DCBLD1: variants seen among roughly 807,000 people sequenced by gnomAD.
DCBLD1 encodes discoidin, CUB and LCCL domain containing 1, also known as discoidin, CUB and LCCL domain-containing protein 1.
In DCBLD1, 57 loss-of-function variants were observed where a neutral mutation model predicts 71.5. The ratio of observed to expected loss-of-function variants is 0.80; its 90% CI spans 0.64 to 0.99. The LOEUF is 0.99. DCBLD1 is among the 50% of genes least tolerant of loss of function. The probability of loss-of-function intolerance (pLI) is 0.00; values close to 1 mark genes in which losing one functional copy is unlikely to be tolerated. For synonymous variants in DCBLD1, 380 were observed against 363.8 expected, an observed-to-expected ratio of 1.04 and a Z score of -0.51; for missense variants, 891 against 923.5, an observed-to-expected ratio of 0.96 and a Z score of 0.46.
chr6:117,533,134 C>T (rs2114526224), intron 6 of DCBLD1, among the ~76,000 whole-genome samples: 1 of 152,246 alleles, frequency 6.6e-6, no homozygotes, highest in Middle Eastern at 3.4e-3. Flanking sequence ...GAAAAGTGCT[C>T]CTTGAGCCAC....
At chr6:117,563,353 ATGTG>A (rs767115378) in intron 14 of DCBLD1, 2 of 1,613,526 alleles carry the variant, frequency 1.2e-6, no homozygotes, top group Admixed American at 3.3e-5. Context: ...CTCCATTTTC[ATGTG>A]TGTCAGTTAC....
intron 14 of DCBLD1, chr6:117,547,649 C>A (rs1210641951): frequency 1.4e-6 from 1 of 736,386 alleles, no homozygotes; most frequent in East Asian, 2.8e-5. Flanking sequence ...AAGTATGTCC[C>A]CATGCCCCAG....
intron 5 of DCBLD1, among the ~76,000 whole-genome samples, chr6:117,528,936 G>A (rs568847182): frequency 2.6e-5 from 4 of 152,236 alleles, no homozygotes; most frequent in Admixed American, 2.0e-4. Context: ...CACTTCCTGG[G>A]TTCACGCCAT....
At chr6:117,562,452 C>G (rs1341055484) in intron 14 of DCBLD1, 2 of 203,136 alleles carry the variant, frequency 9.8e-6, no homozygotes, top group African/African-American at 2.3e-5. Context: ...TTTGTGGACC[C>G]CAGAAAACAA....
At chr6:117,561,701 T>G (rs1324127960) in intron 14 of DCBLD1, 1 of 205,914 alleles carries the variant, frequency 4.9e-6, no homozygotes, top group East Asian at 7.5e-5. Context: ...ATAAAGTATT[T>G]TAATGTCAGT....
chr6:117,525,609 C>A (rs1778523947), intron 5 of DCBLD1, among the ~76,000 whole-genome samples, 175 bp downstream of exon 5: 1 of 134,426 alleles, frequency 7.4e-6, no homozygotes, highest in Admixed American at 7.1e-5. Flanking sequence ...CCCATGCATT[C>A]ATTCCTATTA....
intron 5 of DCBLD1, among the ~76,000 whole-genome samples, chr6:117,526,419 T>C (rs1011582142): frequency 2.6e-5 from 4 of 152,198 alleles, no homozygotes; most frequent in African/African-American, 9.6e-5. Flanking sequence ...AAATAAAAAG[T>C]TGACATTTTT....
At chr6:117,561,329 A>G (rs1224897829) in intron 14 of DCBLD1, 6 of 225,048 alleles carry the variant, frequency 2.7e-5, no homozygotes, top group Non-Finnish European at 5.3e-5. Context: ...TATAGCTTAC[A>G]TTTCCTAAGG....
chr6:117,485,088 A>T (rs912342484), intron 1 of DCBLD1: 3 of 152,238 alleles, frequency 2.0e-5, no homozygotes, highest in African/African-American at 7.2e-5. Context: ...CTTTCATAAT[A>T]AGACATTAAG....
intron 1 of DCBLD1, among the ~76,000 whole-genome samples, chr6:117,499,838 G>A (rs73766223): frequency 0.066 from 10,090 of 152,212 alleles, 705 homozygotes; most frequent in African/African-American, 0.17. Context: ...TAAGAATAAT[G>A]CTTCTCCTCA....
rs764768860 is a variant in DCBLD1 at position 117,532,320 on chromosome 6, C to A, written c.646C>A (p.Gln216Lys). Residue 216 changes from glutamine (Q) to lysine (K), a missense_variant, in exon 6 of 15, where the codon CAG becomes AAG. Coordinates refer to ENST00000338728, the MANE Select transcript of DCBLD1 (RefSeq NM_001366458.2). ...AGIIADELGG[Q>K]ISVLQRKGIS... ...AATAATTGCTGATGAACTAGGTGGCCAGATCAGTGTGCTTCAGCGCAAAGG... is the reference window on the plus strand; with the variant it reads ...AATAATTGCTGATGAACTAGGTGGCAAGATCAGTGTGCTTCAGCGCAAAGG... The A allele has an allele frequency of 6.2e-7, 1 of 1,613,818 alleles. No homozygotes were observed. Among genetic ancestry groups the A allele is most frequent in the South Asian group, 1.1e-5 (1 of 90,992 alleles).
intron 7 of DCBLD1, 64 bp from the exon 8 acceptor site, chr6:117,538,556 T>C (rs1298681060): frequency 4.1e-6 from 6 of 1,465,672 alleles, no homozygotes; most frequent in Non-Finnish European, 5.7e-6. Context: ...GATGTGGTAC[T>C]ACTTTTTTTT....
intron 5 of DCBLD1, among the ~76,000 whole-genome samples, chr6:117,530,215 C>G (rs1778670303): frequency 6.6e-6 from 1 of 152,166 alleles, no homozygotes; most frequent in Admixed American, 6.5e-5. Context: ...AGGTGACAGA[C>G]CTTCAGAAAA....
rs112771121 is a variant in DCBLD1, at chr6:117,539,552, G to A, written c.1101+173G>A. 4.5e-3 allele frequency: 3,061 copies of A among 674,994 alleles called. 68 individuals carry two copies. In the African/African-American group the frequency reaches 0.05, roughly 11 times the overall value. 41.8% of individuals were successfully genotyped at this position (674,994 alleles called of 1,614,324 possible). On this transcript the variant is annotated intron_variant, in intron 9 of 14. Transcript: ENST00000338728. ...AAGCCAAGGCAGGAGGATCATTTGA[G>A]ACCATCCTGGGCAACATAGCAAGAC...
At chr6:117,552,284 A>C (rs1779440133), downstream of DCBLD1, among the ~76,000 whole-genome samples, 1 of 152,328 alleles carries the variant, frequency 6.6e-6, no homozygotes, top group Non-Finnish European at 1.5e-5. Flanking sequence ...TTATTATAAA[A>C]GGGCTGTTGT....
intron 14 of DCBLD1, among the ~76,000 whole-genome samples, chr6:117,546,934 T>A (rs1342681508): frequency 6.6e-6 from 1 of 152,192 alleles, no homozygotes; most frequent in Non-Finnish European, 1.5e-5. Flanking sequence ...CCTTGTCTAA[T>A]GGCTTCTCGA....
chr6:117,547,650 C>T (rs765603052), intron 14 of DCBLD1: 5 of 739,068 alleles, frequency 6.8e-6, no homozygotes, highest in South Asian at 3.0e-5. Context: ...AGTATGTCCC[C>T]ATGCCCCAGG....
At chr6:117,510,360 G>GACAC (rs35676008) in intron 2 of DCBLD1, among the ~76,000 whole-genome samples, 35 of 146,838 alleles carry the variant, frequency 2.4e-4, no homozygotes, top group East Asian at 1.6e-3. Context: ...CACAGACACA[G>GACAC]ACACACACAC....
intron 1 of DCBLD1, among the ~76,000 whole-genome samples, chr6:117,503,019 A>G (rs772889591): frequency 1.6e-4 from 25 of 152,218 alleles, no homozygotes; most frequent in African/African-American, 3.4e-4. Context: ...CCTGATGTAT[A>G]TATAACACAT....
Sources: gnomAD v4.1 joint callset for allele counts (sites outside exome capture counted in the v4.1 genomes callset) on GRCh38, gnomAD v4.1.1 for gene constraint, MANE v1.5 for transcripts, NCBI Gene and HGNC (gene_info 2026-07-23, HGNC 2026-07-21) for gene names.